Variants in CEP63 observed in about 807,000 individuals in gnomAD.
CEP63 encodes centrosomal protein 63, also known as centrosomal protein of 63 kDa.
CEP63 carries 84 observed loss-of-function variants against 89.1 expected under a neutral mutation model. That is an observed-to-expected ratio of 0.94 (90% CI 0.79 to 1.13). The LOEUF (loss-of-function observed/expected upper bound fraction) is 1.13, where lower values mean the gene tolerates loss of function less well. Ranked by LOEUF, CEP63 falls within the 50% of genes most tolerant of loss-of-function variation. The pLI is 0.00. For missense variants in CEP63, 838 were observed against 813.3 expected (o/e 1.03, Z -0.37); for synonymous variants, 267 against 272.5 (o/e 0.98, Z 0.20).
the CEP63 span, among the ~76,000 whole-genome samples, chr3:134,767,764 T>C: frequency 6.6e-6 from 1 of 152,150 alleles, no homozygotes; most frequent in Non-Finnish European, 1.5e-5. Flanking sequence ...AAAGCAAACA[T>C]TTTTGAGTAT....
chr3:134,566,332 G>A (rs1369214798), downstream of CEP63, among the ~76,000 whole-genome samples: 1 of 152,038 alleles, frequency 6.6e-6, no homozygotes, highest in Non-Finnish European at 1.5e-5. Context: ...GTTAATAATA[G>A]TAATATAATA....
chr3:134,775,585 G>C, the CEP63 span, among the ~76,000 whole-genome samples: 1 of 152,158 alleles, frequency 6.6e-6, no homozygotes, highest in Non-Finnish European at 1.5e-5. Context: ...CAGTATAGGG[G>C]ATCCCAGGGA....
the CEP63 span, among the ~76,000 whole-genome samples, chr3:134,652,437 T>G: frequency 6.6e-6 from 1 of 151,642 alleles, no homozygotes; most frequent in Non-Finnish European, 1.5e-5. Context: ...CTTATTGCAT[T>G]ACCAGCGCCC....
chr3:134,751,034 A>G, the CEP63 span, among the ~76,000 whole-genome samples: 3 of 152,242 alleles, frequency 2.0e-5, no homozygotes, highest in African/African-American at 7.2e-5. Context: ...TCACCCATTA[A>G]CTGTCTGAAT....
At chr3:134,608,064 T>C in the CEP63 span, 1 of 1,085,910 alleles carries the variant, frequency 9.2e-7, no homozygotes, top group Non-Finnish European at 1.1e-6. Context: ...ACTCTCTGTC[T>C]TGGGTGGGAC....
chr3:134,679,845 C>G, the CEP63 span, among the ~76,000 whole-genome samples: 28 of 152,164 alleles, frequency 1.8e-4, no homozygotes, highest in African/African-American at 6.8e-4. Context: ...ACCTCAGCCT[C>G]CAGAGTAGCT....
chr3:134,736,900 C>T, the CEP63 span, among the ~76,000 whole-genome samples: 1 of 152,020 alleles, frequency 6.6e-6, no homozygotes, highest in Non-Finnish European at 1.5e-5. Context: ...AATCCTAGCA[C>T]ATAACAATAA....
chr3:134,594,221 G>A, the CEP63 span, among the ~76,000 whole-genome samples: 1 of 152,220 alleles, frequency 6.6e-6, no homozygotes, highest in East Asian at 1.9e-4. Context: ...GATGGGAGCT[G>A]CCAGGGGCTC....
chr3:134,714,023 G>A, the CEP63 span, among the ~76,000 whole-genome samples: 1 of 152,230 alleles, frequency 6.6e-6, no homozygotes, highest in Non-Finnish European at 1.5e-5. Context: ...GTGAGTCCCA[G>A]AGTGGGCTGG....
At chr3:134,767,602 G>A in the CEP63 span, among the ~76,000 whole-genome samples, 1 of 152,172 alleles carries the variant, frequency 6.6e-6, no homozygotes, top group Non-Finnish European at 1.5e-5. Flanking sequence ...TTTTCATTTT[G>A]CAATGGGCCT....
At chr3:134,748,412 T>C in the CEP63 span, among the ~76,000 whole-genome samples, 776 of 152,206 alleles carry the variant, frequency 5.1e-3, 6 homozygotes, top group African/African-American at 0.017. Flanking sequence ...GATAAAACTG[T>C]ATCTTGGAGT....
downstream of CEP63, among the ~76,000 whole-genome samples, chr3:134,568,963 G>A (rs191541817): frequency 5.3e-5 from 8 of 152,314 alleles, no homozygotes; most frequent in Admixed American, 5.2e-4. Flanking sequence ...GCAAGGAGGA[G>A]CAAGTCACAT....
chr3:134,601,420 G>A, the CEP63 span, among the ~76,000 whole-genome samples: 1 of 152,224 alleles, frequency 6.6e-6, no homozygotes, highest in South Asian at 2.1e-4. Flanking sequence ...TCTCCAGCAG[G>A]ACTAAGCGAG....
chr3:134,726,546 T>C, the CEP63 span, among the ~76,000 whole-genome samples: 1 of 151,768 alleles, frequency 6.6e-6, no homozygotes, highest in African/African-American at 2.4e-5. Context: ...CTGGGCTACC[T>C]TCCTCCTTCT....
At chr3:134,628,067 G>C in the CEP63 span, 2 of 563,678 alleles carry the variant, frequency 3.5e-6, no homozygotes, top group Middle Eastern at 2.7e-4. Flanking sequence ...TCTGCAACTG[G>C]AGTTAGTATT....
At chr3:134,621,270 T>C in the CEP63 span, among the ~76,000 whole-genome samples, 1 of 152,132 alleles carries the variant, frequency 6.6e-6, no homozygotes, top group African/African-American at 2.4e-5. Flanking sequence ...CCAAAACAAT[T>C]TTGAAAAAAG....
At chr3:134,732,279 T>C in the CEP63 span, among the ~76,000 whole-genome samples, 2 of 152,136 alleles carry the variant, frequency 1.3e-5, no homozygotes, top group Non-Finnish European at 2.9e-5. Flanking sequence ...TCAAGACTAC[T>C]AGCAAATAAA....
At chr3:134,643,208 C>A in the CEP63 span, 3 of 1,027,884 alleles carry the variant, frequency 2.9e-6, no homozygotes, top group South Asian at 1.5e-5. Context: ...GCAGAGAGGA[C>A]CCTGCTCCCC....
At chr3:134,751,575 G>A in the CEP63 span, among the ~76,000 whole-genome samples, 2 of 152,132 alleles carry the variant, frequency 1.3e-5, no homozygotes, top group Non-Finnish European at 2.9e-5. Flanking sequence ...TGGCTGTGCT[G>A]TCACTGTTGG....
Sources: allele counts gnomAD v4.1 joint callset (sites outside exome capture counted in the v4.1 genomes callset), GRCh38; gene constraint gnomAD v4.1.1; transcripts MANE v1.5; gene names NCBI Gene and HGNC (gene_info 2026-07-23, HGNC 2026-07-21).